Variants in GLIS3 observed in about 807,000 individuals in gnomAD.
The protein encoded by GLIS3 is zinc finger protein GLIS3.
GLIS3 carries 53 observed loss-of-function variants against 78.6 expected under a neutral mutation model. The observed-to-expected ratio is 0.67, with a 90% CI of 0.54 to 0.85. The LOEUF (loss-of-function observed/expected upper bound fraction) is 0.85, where lower values mean the gene tolerates loss of function less well. Ranked by LOEUF, GLIS3 falls within the 40% of genes least tolerant of loss-of-function variation. The probability of loss-of-function intolerance (pLI) is 0.00; values close to 1 mark genes in which losing one functional copy is unlikely to be tolerated. For missense variants in GLIS3, 1,703 were observed against 1,231.1 expected, an observed-to-expected ratio of 1.38 and a Z score of -5.74; for synonymous variants, 684 against 509.9, an observed-to-expected ratio of 1.34 and a Z score of -4.60.
intron 2 of GLIS3, among the ~76,000 whole-genome samples, chr9:4,162,701 C>CA (rs754433027): frequency 2.5e-4 from 38 of 151,620 alleles, no homozygotes; most frequent in Admixed American, 9.8e-4. Context: ...TTAAAAAATA[C>CA]AAAAAATAAG....
chr9:3,855,761 C>G (rs1380015241), intron 9 of GLIS3: 4 of 494,722 alleles, frequency 8.1e-6, no homozygotes, highest in African/African-American at 5.8e-5. Flanking sequence ...AGAGCCCTGG[C>G]CAATGAAAAA....
chr9:4,384,105 T>C, the GLIS3 span, among the ~76,000 whole-genome samples: 18 of 152,224 alleles, frequency 1.2e-4, no homozygotes, highest in Non-Finnish European at 2.4e-4. Flanking sequence ...TTGTGGCCTT[T>C]GGGGGTTAAC....
chr9:4,349,633 T>G (rs1817938228), upstream of GLIS3, among the ~76,000 whole-genome samples: 1 of 152,112 alleles, frequency 6.6e-6, no homozygotes, highest in Admixed American at 6.6e-5. Flanking sequence ...CCTTGCAAAT[T>G]ACTAGCAAAA....
chr9:3,938,189 C>A (rs1825999981), intron 4 of GLIS3, among the ~76,000 whole-genome samples: 1 of 152,166 alleles, frequency 6.6e-6, no homozygotes, highest in Non-Finnish European at 1.5e-5. Flanking sequence ...GTTACTTAGA[C>A]AGTTTTAATC....
chr9:3,984,771 T>A (rs1296722675), intron 4 of GLIS3, among the ~76,000 whole-genome samples: 1 of 152,142 alleles, frequency 6.6e-6, no homozygotes. Flanking sequence ...GTAACTCCCA[T>A]AATTCCCACA....
intron 4 of GLIS3, among the ~76,000 whole-genome samples, chr9:4,073,086 C>A (rs146698229): frequency 4.6e-5 from 7 of 151,948 alleles, no homozygotes; most frequent in Admixed American, 3.9e-4. Flanking sequence ...GGCTGCCAAT[C>A]TCAAATTGGA....
chr9:4,317,056 A>T (rs1299075648), intron 2 of GLIS3, among the ~76,000 whole-genome samples: 1 of 152,248 alleles, frequency 6.6e-6, no homozygotes, highest in Non-Finnish European at 1.5e-5. Flanking sequence ...TTGAAAGATG[A>T]GGATGCTTGA....
intron 2 of GLIS3, among the ~76,000 whole-genome samples, chr9:4,261,194 T>C (rs1176729107): frequency 6.6e-6 from 1 of 152,190 alleles, no homozygotes; most frequent in Admixed American, 6.5e-5. Context: ...CTTCTATCCA[T>C]GAGTTCAACA....
intron 8 of GLIS3, among the ~76,000 whole-genome samples, chr9:3,859,495 AAAAT>A (rs2130275865): frequency 6.6e-6 from 1 of 152,328 alleles, no homozygotes; most frequent in Non-Finnish European, 1.5e-5. Context: ...TTTTGATGCT[AAAAT>A]AAACAAAACA....
the GLIS3 span, among the ~76,000 whole-genome samples, chr9:4,354,760 T>C: frequency 3.9e-5 from 6 of 152,114 alleles, no homozygotes; most frequent in African/African-American, 1.4e-4. Flanking sequence ...TAGGAAAACA[T>C]GCTACCCCAA....
At chr9:4,022,384 C>A (rs766710466) in intron 4 of GLIS3, among the ~76,000 whole-genome samples, 1 of 152,190 alleles carries the variant, frequency 6.6e-6, no homozygotes, top group African/African-American at 2.4e-5. Context: ...TTTCAGCATG[C>A]GTTTTTAATG....
chr9:4,180,239 G>T (rs148528778), intron 2 of GLIS3, among the ~76,000 whole-genome samples: 1 of 152,226 alleles, frequency 6.6e-6, no homozygotes, highest in Non-Finnish European at 1.5e-5. Context: ...GTATGGGACA[G>T]TTTCCCACCG....
intron 4 of GLIS3, among the ~76,000 whole-genome samples, chr9:3,990,406 C>T (rs1304529024): frequency 2.0e-5 from 3 of 152,166 alleles, no homozygotes; most frequent in Non-Finnish European, 2.9e-5. Flanking sequence ...CACCAAAGAT[C>T]GACCTGCACC....
chr9:4,202,923 C>G (rs970549899), intron 2 of GLIS3, among the ~76,000 whole-genome samples: 3 of 152,166 alleles, frequency 2.0e-5, no homozygotes, highest in Non-Finnish European at 4.4e-5. Context: ...GAATTTATGA[C>G]TAAGTCCTAA....
intron 2 of GLIS3, chr9:4,147,259 T>C (rs1041279459): frequency 6.6e-6 from 1 of 152,230 alleles, no homozygotes; most frequent in African/African-American, 2.4e-5. Flanking sequence ...ATTTCAATAA[T>C]GGAATTTCAA....
At chr9:4,110,051 G>A (rs1831087046) in intron 4 of GLIS3, among the ~76,000 whole-genome samples, 1 of 152,174 alleles carries the variant, frequency 6.6e-6, no homozygotes, top group Non-Finnish European at 1.5e-5. Context: ...AATAGATTGT[G>A]AGCTCCCAAA....
the GLIS3 span, among the ~76,000 whole-genome samples, chr9:4,362,077 T>C: frequency 4.2e-3 from 635 of 152,316 alleles, 6 homozygotes; most frequent in African/African-American, 0.015. Flanking sequence ...AAATATTGGA[T>C]CACTAAAGGG....
chr9:3,870,711 C>T (rs893090493), intron 8 of GLIS3, among the ~76,000 whole-genome samples: 3 of 152,226 alleles, frequency 2.0e-5, no homozygotes, highest in Admixed American at 6.5e-5. Flanking sequence ...CAGTTATCCC[C>T]AACAGGTCCC....
chr9:4,295,728 T>C (rs1376106301), intron 1 of GLIS3, among the ~76,000 whole-genome samples: 1 of 152,188 alleles, frequency 6.6e-6, no homozygotes, highest in Non-Finnish European at 1.5e-5. Flanking sequence ...TGCAAAAAAA[T>C]GCATCGAGCT....
Sources: allele counts gnomAD v4.1 joint callset (sites outside exome capture counted in the v4.1 genomes callset), GRCh38; gene constraint gnomAD v4.1.1; transcripts MANE v1.5; gene names NCBI Gene and HGNC (gene_info 2026-07-23, HGNC 2026-07-21).